Variants in ZDHHC17 observed in about 807,000 individuals in gnomAD.
The protein encoded by ZDHHC17 is zDHHC palmitoyltransferase 17.
In ZDHHC17, 40 loss-of-function variants were observed where a neutral mutation model predicts 90.3. That is an observed-to-expected ratio of 0.44 (90% CI 0.34 to 0.58). The LOEUF (loss-of-function observed/expected upper bound fraction) is 0.58, where lower values mean the gene tolerates loss of function less well. ZDHHC17 is among the 20% of genes least tolerant of loss of function. The probability of loss-of-function intolerance (pLI) is 0.01; values close to 1 mark genes in which losing one functional copy is unlikely to be tolerated. For missense variants in ZDHHC17, 614 were observed against 780.8 expected, an observed-to-expected ratio of 0.79 and a Z score of 2.55; for synonymous variants, 235 against 252.4, an observed-to-expected ratio of 0.93 and a Z score of 0.65.
At chr12:76,781,058 C>T (rs983866682) in intron 1 of ZDHHC17, among the ~76,000 whole-genome samples, 1 of 142,656 alleles carries the variant, frequency 7.0e-6, no homozygotes, top group Non-Finnish European at 1.5e-5. Context: ...GGTGTGAACC[C>T]GGGAGGCGGA....
At chr12:76,845,859 A>G in intron 13 of ZDHHC17, 57 bp downstream of exon 13, 1 of 917,030 alleles carries the variant, frequency 1.1e-6, no homozygotes, top group Non-Finnish European at 1.7e-6. Context: ...TTAGGTAATG[A>G]ATAAAGTATA....
At chr12:76,768,515 A>G (rs1952456936) in intron 1 of ZDHHC17, among the ~76,000 whole-genome samples, 1 of 152,242 alleles carries the variant, frequency 6.6e-6, no homozygotes. Flanking sequence ...AAGGTAAATA[A>G]CTAGTTGGGA....
rs759326325 is a variant in ZDHHC17, at chr12:76,822,396, A to C, written c.772-10A>C. On this transcript the variant is annotated splice_polypyrimidine_tract_variant and intron_variant, in intron 7 of 16. Coordinates refer to ENST00000426126, the MANE Select transcript of ZDHHC17 (RefSeq NM_015336.4). ...CTTTTAATAGGAATTTCTTCTGTTT[A>C]TATTATCAGGGCGAATCAGCGCTTG... The C allele has an allele frequency of 4.3e-6, 7 of 1,611,638 alleles. No homozygotes were observed. The highest frequency in any genetic ancestry group is 1.3e-5 in the African/African-American group (1 of 74,846).
At chr12:76,793,340 T>C (rs1056266081) in intron 1 of ZDHHC17, among the ~76,000 whole-genome samples, 1 of 152,142 alleles carries the variant, frequency 6.6e-6, no homozygotes, top group South Asian at 2.1e-4. Flanking sequence ...GCCAACATGG[T>C]GAAACCCTGT....
At chr12:76,812,536 CTT>C (rs969240675) in intron 5 of ZDHHC17, among the ~76,000 whole-genome samples, 6 of 152,154 alleles carry the variant, frequency 3.9e-5, no homozygotes, top group African/African-American at 1.2e-4. Context: ...TTCCCTTTCT[CTT>C]TTATCGACTG....
intron 16 of ZDHHC17, 78 bp downstream of exon 16, chr12:76,849,548 A>T: frequency 1.2e-6 from 1 of 813,636 alleles, no homozygotes; most frequent in Non-Finnish European, 1.9e-6. Flanking sequence ...TTACTTAGTG[A>T]TATGTAAAAT....
intron 8 of ZDHHC17, among the ~76,000 whole-genome samples, chr12:76,823,868 A>C (rs1012988096): frequency 6.6e-6 from 1 of 152,148 alleles, no homozygotes; most frequent in Non-Finnish European, 1.5e-5. Context: ...ATGCCATGTT[A>C]ACTCTTCTGT....
chr12:76,778,523 G>A (rs781235895), intron 1 of ZDHHC17, among the ~76,000 whole-genome samples: 38 of 152,112 alleles, frequency 2.5e-4, no homozygotes, highest in Admixed American at 6.5e-4. Context: ...GTGCCCTGCC[G>A]GGAAGTTTTA....
intron 1 of ZDHHC17, among the ~76,000 whole-genome samples, chr12:76,783,375 T>TA (rs1952649210): frequency 2.0e-5 from 3 of 152,182 alleles, no homozygotes; most frequent in African/African-American, 4.8e-5. Flanking sequence ...AGACACGTCT[T>TA]ACATGGTGGC....
chr12:76,809,173 A>G lies in ZDHHC17; in HGVS notation c.398+53A>G, dbSNP rs1952990855. The G allele has an allele frequency of 2.2e-5, 29 of 1,293,282 alleles. 2 individuals carry two copies. In the South Asian group the frequency reaches 4.6e-4, roughly 21 times the overall value. 80.1% of individuals were successfully genotyped at this position (1,293,282 alleles called of 1,614,324 possible). On this transcript the variant is annotated intron_variant, in intron 4 of 16. Coordinates refer to ENST00000426126, the MANE Select transcript of ZDHHC17 (RefSeq NM_015336.4). ...CTTTGGTTCCTTTATTAGTATATAA[A>G]TAAACAACTTTAAAAAAATGATATA...
intron 2 of ZDHHC17, among the ~76,000 whole-genome samples, chr12:76,798,359 C>G (rs553160349): frequency 6.6e-6 from 1 of 152,162 alleles, no homozygotes; most frequent in Non-Finnish European, 1.5e-5. Context: ...GAAATAACAA[C>G]AGTTATTTTC....
At chr12:76,821,852 A>G (rs1190777027) in intron 7 of ZDHHC17, among the ~76,000 whole-genome samples, 1 of 152,064 alleles carries the variant, frequency 6.6e-6, no homozygotes, top group Non-Finnish European at 1.5e-5. Context: ...TGAATTTGCT[A>G]TTTTTTAAAA....
chr12:76,853,071 A>G lies in ZDHHC17; in HGVS notation c.*2086A>G, dbSNP rs1322631466. On this transcript the variant is annotated 3_prime_UTR_variant, in exon 17 of 17. Transcript: ENST00000426126. ...GAGTTTGGCTAAGAATGTTGTTACC[A>G]TCTTCTTTGTTTGTGGTACAATATT... The G allele has an allele frequency of 2.0e-5, 3 of 152,178 alleles. No individual in the cohort carries two copies. The highest frequency in any genetic ancestry group is 6.5e-5 in the Admixed American group (1 of 15,288). The allele number at this position is 152,178 out of a possible 1,614,324, so 9.4% of individuals were successfully genotyped here.
chr12:76,848,472 C>T, intron 15 of ZDHHC17, 82 bp downstream of exon 15: 2 of 1,350,690 alleles, frequency 1.5e-6, no homozygotes, highest in East Asian at 2.5e-5. Flanking sequence ...TATTCTCTTC[C>T]TAACCACTCC....
chr12:76,847,850 C>G (rs1157807502), intron 14 of ZDHHC17, among the ~76,000 whole-genome samples: 1 of 151,984 alleles, frequency 6.6e-6, no homozygotes, highest in Non-Finnish European at 1.5e-5. Context: ...AGAGCGAGAC[C>G]TTGTCTGGAA....
In ZDHHC17 at chr12:76,800,017, G is replaced by A. The variant is rs182948802; in HGVS notation, c.197+2480G>A. 3.2e-3 allele frequency among the ~76,000 whole-genome samples: 490 copies of A among 152,260 alleles called. 3 individuals carry two copies. The highest frequency in any genetic ancestry group is 0.011 in the African/African-American group (438 of 41,542). ...TTTTATGCACCTGTCACATGAGGTC[G>A]TGTGTAGTATCTTCCATGTGTGGTA... On this transcript the variant is annotated intron_variant, in intron 2 of 16. Coordinates refer to ENST00000426126, the MANE Select transcript of ZDHHC17 (RefSeq NM_015336.4).
intron 1 of ZDHHC17, among the ~76,000 whole-genome samples, chr12:76,767,487 A>G (rs1280698641): frequency 6.6e-6 from 1 of 152,196 alleles, no homozygotes; most frequent in Non-Finnish European, 1.5e-5. Flanking sequence ...TTACTTTTTA[A>G]TGAATTAAAT....
At position 76,808,150 on chromosome 12, in the gene ZDHHC17, A is replaced by G. The variant is rs74104856; in HGVS notation, c.321-893A>G. 6.7e-3 allele frequency among the ~76,000 whole-genome samples: 1,028 copies of G among 152,322 alleles called. 16 individuals are homozygous for G. The highest frequency in any genetic ancestry group is 0.024 in the African/African-American group (995 of 41,564). ...CATGAATAATCACAGGTTAAGAGCTATGTACATTAAGAGTAAATGCATTAC... is the reference window on the plus strand; with the variant it reads ...CATGAATAATCACAGGTTAAGAGCTGTGTACATTAAGAGTAAATGCATTAC... On this transcript the variant is annotated intron_variant, in intron 3 of 16. Transcript: ENST00000426126.
At chr12:76,805,054 CTGAT>C (rs1049777557) in intron 2 of ZDHHC17, among the ~76,000 whole-genome samples, 3 of 152,014 alleles carry the variant, frequency 2.0e-5, no homozygotes, top group Non-Finnish European at 4.4e-5. Context: ...AATAAAGCAA[CTGAT>C]TGAAATTTTA....
Sources: allele counts gnomAD v4.1 joint callset (sites outside exome capture counted in the v4.1 genomes callset), GRCh38; gene constraint gnomAD v4.1.1; transcripts MANE v1.5; gene names NCBI Gene and HGNC (gene_info 2026-07-23, HGNC 2026-07-21).